The following UPP2 variants were observed in gnomAD, a reference collection of about 807,000 sequenced individuals.
UPP2 encodes the protein uridine phosphorylase 2.
UPP2 carries 23 observed loss-of-function variants against 26.7 expected under a neutral mutation model. That is an observed-to-expected ratio of 0.86 (90% CI 0.62 to 1.22). The LOEUF is 1.22. Ranked by LOEUF, UPP2 falls within the 50% of genes most tolerant of loss-of-function variation. The pLI is 0.00. For missense variants in UPP2, 387 were observed against 396.7 expected, an observed-to-expected ratio of 0.98 and a Z score of 0.21; for synonymous variants, 127 against 141.3, an observed-to-expected ratio of 0.90 and a Z score of 0.72.
At chr2:158,066,214 G>A (rs1174284600) in intron 3 of UPP2, among the ~76,000 whole-genome samples, 1 of 152,186 alleles carries the variant, frequency 6.6e-6, no homozygotes, top group African/African-American at 2.4e-5. Flanking sequence ...CAGGCCACAA[G>A]CTAGACAGAT....
At position 158,121,758 on chromosome 2, in the gene UPP2, T is replaced by C. The variant is rs550594785; in HGVS notation, c.664+140T>C. The C allele has an allele frequency of 1.6e-4, 120 of 750,508 alleles. 4 individuals carry two copies. In the South Asian group the frequency reaches 2.2e-3, roughly 14 times the overall value. The allele number at this position is 750,508 out of a possible 1,614,324, so 46.5% of individuals were successfully genotyped here. A position where few individuals can be genotyped will look rare whatever the true frequency, so the allele number is the denominator to read the frequency against. ...AAAAAGGAAATGAAACAGCCTTTTT[T>C]ACTTACTAAAGCATAGAAACACAAG... is the stretch of plus-strand genomic sequence containing the variant. On this transcript the variant is annotated intron_variant, in intron 5 of 6. Coordinates refer to ENST00000005756, the MANE Select transcript of UPP2 (RefSeq NM_173355.4).
chr2:158,103,674 T>G (rs4637056), intron 1 of UPP2, among the ~76,000 whole-genome samples: 18,553 of 152,244 alleles, frequency 0.12, 2,402 homozygotes, highest in African/African-American at 0.32. Context: ...AGAAAAAGTT[T>G]ATGGCAGTGT....
chr2:157,995,297 G>A (rs1196814116), intron 2 of UPP2: 4 of 1,600,996 alleles, frequency 2.5e-6, no homozygotes, highest in Non-Finnish European at 2.6e-6. Context: ...TCATGTCTAA[G>A]CACATGTGTC....
At chr2:158,111,025 G>T (rs895457244) in intron 2 of UPP2, among the ~76,000 whole-genome samples, 1 of 152,154 alleles carries the variant, frequency 6.6e-6, no homozygotes, top group African/African-American at 2.4e-5. Context: ...GATCGCATTT[G>T]TCAATTTTGG....
intron 3 of UPP2, among the ~76,000 whole-genome samples, chr2:158,056,571 G>T (rs1682248613): frequency 6.6e-6 from 1 of 152,160 alleles, no homozygotes; most frequent in South Asian, 2.1e-4. Context: ...CTGTAGGAGA[G>T]CCCTTCCTTT....
chr2:158,057,439 T>C (rs1682265038), intron 3 of UPP2, among the ~76,000 whole-genome samples: 1 of 152,244 alleles, frequency 6.6e-6, no homozygotes, highest in South Asian at 2.1e-4. Context: ...GGATATTTTA[T>C]ACATTGGATT....
chr2:158,062,061 G>A (rs768364), intron 3 of UPP2, among the ~76,000 whole-genome samples: 117,249 of 152,250 alleles, frequency 0.77, 46,219 homozygotes, highest in African/African-American at 0.93. Flanking sequence ...TTATGCTAAA[G>A]CAATAGTATT....
chr2:158,055,349 C>CACCA (rs1682230698), intron 3 of UPP2, among the ~76,000 whole-genome samples: 1 of 152,218 alleles, frequency 6.6e-6, no homozygotes. Context: ...GCAGAGCCCT[C>CACCA]ACCACCCAAT....
At chr2:158,128,109 T>A (rs769319209) in intron 6 of UPP2, 1 of 740,692 alleles carries the variant, frequency 1.4e-6, no homozygotes, top group Admixed American at 6.3e-5. Context: ...TGACAATATA[T>A]GAAGCCTAAT....
intron 5 of UPP2, among the ~76,000 whole-genome samples, chr2:158,122,954 G>A (rs556972482): frequency 5.3e-4 from 81 of 152,192 alleles, no homozygotes; most frequent in South Asian, 1.0e-3. Context: ...GAAAGAGATA[G>A]AGGAAAGGGA....
At chr2:158,072,438 A>G (rs1343886943) in intron 3 of UPP2, among the ~76,000 whole-genome samples, 1 of 152,202 alleles carries the variant, frequency 6.6e-6, no homozygotes, top group African/African-American at 2.4e-5. Context: ...AAACCTGACT[A>G]TCTTCCCATC....
chr2:158,002,974 C>T (rs1226718047), intron 2 of UPP2, among the ~76,000 whole-genome samples: 1 of 151,932 alleles, frequency 6.6e-6, no homozygotes, highest in Non-Finnish European at 1.5e-5. Flanking sequence ...GCTAAATGGC[C>T]ATCTATGCTT....
chr2:158,129,686 T>C (rs192885372), intron 6 of UPP2, among the ~76,000 whole-genome samples: 1 of 149,564 alleles, frequency 6.7e-6, no homozygotes, highest in Non-Finnish European at 1.5e-5. Context: ...GAAAGAGGAA[T>C]GCATAATAAT....
Position 158,071,007 on chromosome 2 carries a change from C to A in UPP2, c.148-31033C>A, listed in dbSNP as rs545213796. 2.1e-4 allele frequency among the ~76,000 whole-genome samples: 32 copies of A among 152,174 alleles called. 1 individual carries two copies. Among genetic ancestry groups the A allele is most frequent in the Admixed American group, 2.1e-3 (32 of 15,278 alleles). ...TCAGCCTTAGCCGGAGGGGGATCAT[C>A]CATCCCAGTGGTTGGGACTTGAGTT... On this transcript the variant is annotated intron_variant, in intron 3 of 9. Coordinates refer to the UPP2 transcript ENST00000605860.
At chr2:158,101,527 G>A (rs1210187606), upstream of UPP2, among the ~76,000 whole-genome samples, 6 of 152,218 alleles carry the variant, frequency 3.9e-5, no homozygotes, top group Non-Finnish European at 5.9e-5. Context: ...ACAAGTTGGC[G>A]AGGGGCTGGA....
chr2:158,098,773 A>G (rs139706883), upstream of UPP2, among the ~76,000 whole-genome samples: 37 of 152,340 alleles, frequency 2.4e-4, no homozygotes, highest in Middle Eastern at 6.8e-3. Flanking sequence ...AGATGCTGTT[A>G]ATTGGCAAGT....
chr2:158,115,576 C>A (rs1222014078), intron 3 of UPP2, among the ~76,000 whole-genome samples: 1 of 152,170 alleles, frequency 6.6e-6, no homozygotes, highest in Non-Finnish European at 1.5e-5. Flanking sequence ...TATCCCTTAC[C>A]CAGCTTTGGG....
chr2:158,070,095 T>C (rs1682514417), intron 3 of UPP2, among the ~76,000 whole-genome samples: 1 of 152,164 alleles, frequency 6.6e-6, no homozygotes, highest in Non-Finnish European at 1.5e-5. Flanking sequence ...GGATAGTGGC[T>C]CCTTGTATCT....
chr2:158,112,013 TTAAGA>T (rs1400548228), intron 2 of UPP2, among the ~76,000 whole-genome samples: 3 of 152,162 alleles, frequency 2.0e-5, no homozygotes. Context: ...TTTAATATTG[TTAAGA>T]TAACTATACT....
Sources: gnomAD v4.1 joint callset for allele counts (sites outside exome capture counted in the v4.1 genomes callset) on GRCh38, gnomAD v4.1.1 for gene constraint, MANE v1.5 for transcripts, NCBI Gene and HGNC (gene_info 2026-07-23, HGNC 2026-07-21) for gene names.